Variants in EIPR1 observed in about 807,000 individuals in gnomAD.
EIPR1 encodes the protein EARP and GARP complex-interacting protein 1.
EIPR1 carries 25 observed loss-of-function variants against 48.1 expected under a neutral mutation model. That is an observed-to-expected ratio of 0.52 (90% CI 0.38 to 0.73). The LOEUF (loss-of-function observed/expected upper bound fraction) is 0.73. Ranked by LOEUF, EIPR1 falls within the 30% of genes least tolerant of loss-of-function variation. The probability of loss-of-function intolerance (pLI) is 0.00; values close to 1 mark genes in which losing one functional copy is unlikely to be tolerated. For synonymous variants in EIPR1, 204 were observed against 201.9 expected (o/e 1.01, Z -0.09); for missense variants, 415 against 506.2 (o/e 0.82, Z 1.73).
chr2:3,263,443 A>G (rs972326748), intron 3 of EIPR1, among the ~76,000 whole-genome samples: 2 of 152,196 alleles, frequency 1.3e-5, no homozygotes, highest in African/African-American at 4.8e-5. Flanking sequence ...CTTGGCTGCA[A>G]AAACAAAGCC....
chr2:3,376,089 A>G (rs1399316327), intron 1 of EIPR1, among the ~76,000 whole-genome samples: 1 of 152,140 alleles, frequency 6.6e-6, no homozygotes, highest in Non-Finnish European at 1.5e-5. Context: ...AGCCTGGGCA[A>G]CATGGCGAAA....
intron 4 of EIPR1, among the ~76,000 whole-genome samples, chr2:3,253,267 C>G (rs1356658072): frequency 6.6e-6 from 1 of 152,134 alleles, no homozygotes; most frequent in Non-Finnish European, 1.5e-5. Context: ...AGTTGTCCCC[C>G]CTTTCTGGAC....
intron 2 of EIPR1, 63 bp downstream of exon 2, chr2:3,354,487 A>G: frequency 1.4e-6 from 2 of 1,476,120 alleles, no homozygotes; most frequent in Non-Finnish European, 1.9e-6. Flanking sequence ...TCAGAGCAAA[A>G]TGGTTATAAA....
At chr2:3,230,281 A>G (rs1388377201) in intron 4 of EIPR1, among the ~76,000 whole-genome samples, 1 of 152,208 alleles carries the variant, frequency 6.6e-6, no homozygotes, top group African/African-American at 2.4e-5. Context: ...GCCATGTGGA[A>G]CACTGTAGGG....
intron 4 of EIPR1, among the ~76,000 whole-genome samples, chr2:3,244,174 T>G (rs982763578): frequency 6.6e-6 from 1 of 152,228 alleles, no homozygotes. Context: ...CTGGGTCTTC[T>G]CAGCAAGTCC....
rs148472276 is a variant in EIPR1 at position 3,211,871 on chromosome 2, C to A, written c.516+2278G>T. Among the ~76,000 whole-genome samples, 686 of 152,370 alleles carry A rather than the reference C, an allele frequency of 4.5e-3. 6 individuals are homozygous for A. Among genetic ancestry groups the A allele is most frequent in the East Asian group, 0.029 (149 of 5,180 alleles). ...GCGAAGATGAATGAGCACACACAGA[C>A]ACAGGACGGCCATCCCTCTACCCTC... is the stretch of plus-strand genomic sequence containing the variant. On this transcript the variant is annotated intron_variant, in intron 5 of 8. Transcript: ENST00000382125.
At chr2:3,237,270 A>ACACACC (rs1553285356) in intron 4 of EIPR1, among the ~76,000 whole-genome samples, 75 of 142,988 alleles carry the variant, frequency 5.2e-4, no homozygotes, top group African/African-American at 1.3e-3. Flanking sequence ...ACACACACAC[A>ACACACC]CCATACATAT....
At chr2:3,264,267 A>T (rs946132448) in intron 3 of EIPR1, among the ~76,000 whole-genome samples, 5 of 152,066 alleles carry the variant, frequency 3.3e-5, no homozygotes, top group African/African-American at 9.7e-5. Flanking sequence ...GGTTTATTCC[A>T]CTCAAGACCT....
intron 2 of EIPR1, among the ~76,000 whole-genome samples, chr2:3,349,646 G>T (rs1670509207): frequency 6.6e-6 from 1 of 152,058 alleles, no homozygotes; most frequent in Non-Finnish European, 1.5e-5. Context: ...CATGCTGGGA[G>T]ACAGGGACAG....
rs561601169 is a variant in EIPR1 at position 3,367,084 on chromosome 2, A to G, written c.42+10564T>C. Among the ~76,000 whole-genome samples the G allele has an allele frequency of 7.5e-5, 11 of 146,370 alleles. No individual in the cohort carries two copies. In the South Asian group the frequency reaches 1.5e-3, roughly 20 times the overall value. On this transcript the variant is annotated intron_variant, in intron 1 of 8. Transcript: ENST00000382125. ...AATAAAAATAAATTAAAAATAAACGAAAATAAATTCAACTGATGAAATTAA... is the reference window on the plus strand; with the variant it reads ...AATAAAAATAAATTAAAAATAAACGGAAATAAATTCAACTGATGAAATTAA...
At chr2:3,216,386 T>C (rs1427008371) in intron 4 of EIPR1, among the ~76,000 whole-genome samples, 2 of 152,102 alleles carry the variant, frequency 1.3e-5, no homozygotes, top group Non-Finnish European at 2.9e-5. Flanking sequence ...ATGCCAACAA[T>C]GCAGTGACAG....
intron 3 of EIPR1, among the ~76,000 whole-genome samples, chr2:3,284,857 G>T (rs933419163): frequency 2.0e-5 from 3 of 152,116 alleles, no homozygotes; most frequent in African/African-American, 7.2e-5. Context: ...GCTGCGAGAG[G>T]ACAGAGTGCA....
chr2:3,370,611 T>C (rs924935721), intron 1 of EIPR1, among the ~76,000 whole-genome samples: 2 of 152,118 alleles, frequency 1.3e-5, no homozygotes, highest in Non-Finnish European at 1.5e-5. Flanking sequence ...CAGGAGCCGA[T>C]GCGATCAACT....
rs748668596 is a variant in EIPR1, at chr2:3,194,154, G to A, written c.666C>T (p.Cys222=). ...WDTRSMSQIY[C]IENAHGQLVR... ...CCAGCTGTCCGTGGGCATTCTCTAT[G>A]CAGTAGATCTGGCTGAGGGAGAAGG... The change falls in exon 7 of 9, where the codon TGC becomes TGT. Residue 222 remains cysteine (C), a synonymous_variant. Coordinates refer to ENST00000382125, the MANE Select transcript of EIPR1 (RefSeq NM_003310.5). 11 of 1,613,650 alleles carry A rather than the reference G, an allele frequency of 6.8e-6. No individual in the cohort carries two copies. The highest frequency in any genetic ancestry group is 1.3e-5 in the African/African-American group (1 of 74,934).
chr2:3,224,653 C>T (rs1038488106), intron 4 of EIPR1, among the ~76,000 whole-genome samples: 1 of 152,324 alleles, frequency 6.6e-6, no homozygotes, highest in East Asian at 1.9e-4. Context: ...GGGATAACTG[C>T]TCCAACAAGA....
At chr2:3,222,637 A>G (rs900447432) in intron 4 of EIPR1, among the ~76,000 whole-genome samples, 1 of 152,210 alleles carries the variant, frequency 6.6e-6, no homozygotes, top group African/African-American at 2.4e-5. Context: ...CAAAGAGCAC[A>G]GGGAAATGAA....
intron 4 of EIPR1, among the ~76,000 whole-genome samples, chr2:3,256,466 C>T (rs1667159964): frequency 6.6e-6 from 1 of 152,102 alleles, no homozygotes; most frequent in Admixed American, 6.5e-5. Context: ...GTCCCTGGAG[C>T]CTGGCAGGGT....
At chr2:3,318,731 TCTC>T (rs1201872252) in intron 3 of EIPR1, 5 of 404,424 alleles carry the variant, frequency 1.2e-5, no homozygotes, top group South Asian at 5.5e-5. Context: ...CAATCAGAGT[TCTC>T]CTCACACACC....
chr2:3,364,625 A>G (rs1670931215), intron 1 of EIPR1, among the ~76,000 whole-genome samples: 2 of 149,746 alleles, frequency 1.3e-5, no homozygotes, highest in African/African-American at 2.5e-5. Context: ...ACAGAGTGAG[A>G]CCCTCCCTGT....
Sources: allele counts gnomAD v4.1 joint callset (sites outside exome capture counted in the v4.1 genomes callset), GRCh38; gene constraint gnomAD v4.1.1; transcripts MANE v1.5; gene names NCBI Gene and HGNC (gene_info 2026-07-23, HGNC 2026-07-21).